The following LRP2 variants were observed in gnomAD, a reference collection of about 807,000 sequenced individuals.
LRP2 encodes the protein low-density lipoprotein receptor-related protein 2.
LRP2 carries 172 observed loss-of-function variants against 531.0 expected under a neutral mutation model. The observed-to-expected ratio is 0.32, with a 90% CI of 0.29 to 0.37. LRP2 has a LOEUF of 0.37. LRP2 is among the 10% of genes least tolerant of loss of function. The pLI is 1.00. For synonymous variants in LRP2, 1,992 were observed against 2,027.6 expected (o/e 0.98, Z 0.47); for missense variants, 5,167 against 5,868.3 (o/e 0.88, Z 3.90).
At position 169,277,604 on chromosome 2, in the gene LRP2, G is replaced by T; in HGVS notation, c.1772+141C>A. ...ATAGAGCAGGTCACTTCATGCAAAT[G>T]TCAGTACAAAGGTCATTAAAGCTAT... is the stretch of plus-strand genomic sequence containing the variant. On this transcript the variant is annotated intron_variant, in intron 13 of 78. Coordinates refer to ENST00000649046, the MANE Select transcript of LRP2 (RefSeq NM_004525.3). 3 of 768,748 alleles carry T rather than the reference G, an allele frequency of 3.9e-6. No individual in the cohort carries two copies. In the East Asian group the frequency reaches 8.0e-5, roughly 21 times the overall value. The allele number at this position is 768,748 out of a possible 1,614,324, so 47.6% of individuals were successfully genotyped here. A position where few individuals can be genotyped will look rare whatever the true frequency, so the allele number is the denominator to read the frequency against.
At position 169,181,502 on chromosome 2, in the gene LRP2, A is replaced by G. The variant is rs2105294470; in HGVS notation, c.10115T>C (p.Ile3372Thr). The change falls in exon 52 of 79, where the codon ATT becomes ACT. Residue 3372 changes from isoleucine (I) to threonine (T), a missense_variant. Transcript: ENST00000649046. The stretch of plus-strand genomic sequence containing the variant: ...GTAGAGTAGATCATTGGTGTAATCA[A>G]TGGTGATGCCATTAGGCCACTCTAA... ...TKLEWPNGIT[I>T]DYTNDLLYWA... The G allele has an allele frequency of 6.2e-7, 1 of 1,614,178 alleles. No homozygotes were observed. The highest frequency in any genetic ancestry group is 8.5e-7 in the Non-Finnish European group (1 of 1,180,012).
At chr2:169,216,062 T>TA (rs1688776429) in intron 35 of LRP2, among the ~76,000 whole-genome samples, 191 bp downstream of exon 35, 1 of 151,932 alleles carries the variant, frequency 6.6e-6, no homozygotes. Context: ...GCACATACTA[T>TA]AAAGAACTGG....
At position 169,164,983 on chromosome 2, in the gene LRP2, A is replaced by G. The variant is rs574646608; in HGVS notation, c.11758+949T>C. On this transcript the variant is annotated intron_variant, in intron 62 of 78. Coordinates refer to ENST00000649046, the MANE Select transcript of LRP2 (RefSeq NM_004525.3). ...TTTCATGCTTTTGCGCTATGCCTCAAATAAACATATTAATGCTATAATGTA... is the reference window on the plus strand; with the variant it reads ...TTTCATGCTTTTGCGCTATGCCTCAGATAAACATATTAATGCTATAATGTA... Among the ~76,000 whole-genome samples, 4 of 152,360 alleles carry G rather than the reference A, an allele frequency of 2.6e-5. No homozygotes were observed. In the South Asian group the frequency reaches 8.3e-4, roughly 32 times the overall value.
chr2:169,198,725 G>A, intron 45 of LRP2, 61 bp downstream of exon 45: 1 of 1,592,606 alleles, frequency 6.3e-7, no homozygotes, highest in Admixed American at 1.7e-5. Context: ...TCATATCTTT[G>A]TATTAGCTCA....
chr2:169,159,454 C>G (rs969988528), intron 63 of LRP2, among the ~76,000 whole-genome samples: 1 of 152,046 alleles, frequency 6.6e-6, no homozygotes, highest in Non-Finnish European at 1.5e-5. Flanking sequence ...GAATGCTGCC[C>G]TTGGAGTGCA....
chr2:169,324,549 C>A (rs901398604), intron 1 of LRP2, among the ~76,000 whole-genome samples: 1 of 150,354 alleles, frequency 6.7e-6, no homozygotes, highest in African/African-American at 2.5e-5. Flanking sequence ...AAAATTTAAG[C>A]GTTTTGAAAT....
chr2:169,213,742 T>C lies in LRP2; in HGVS notation c.5955A>G (p.Arg1985=), dbSNP rs1340983241. The change falls in exon 36 of 79, where the codon AGA becomes AGG. Residue 1985 remains arginine (R), a synonymous_variant. Coordinates refer to ENST00000649046, the MANE Select transcript of LRP2 (RefSeq NM_004525.3). The part of the protein sequence containing the change: ...YTDEQYEVIE[R]VDKATGANKI... ...TGTTGGCCCCAGTGGCCTTATCAACTCTTTCAATGACCTCATACTGTTCAT... is the reference window on the plus strand; with the variant it reads ...TGTTGGCCCCAGTGGCCTTATCAACCCTTTCAATGACCTCATACTGTTCAT... 11 of 1,613,740 alleles carry C rather than the reference T, an allele frequency of 6.8e-6. No individual in the cohort carries two copies. Among genetic ancestry groups the C allele is most frequent in the Admixed American group, 1.7e-5 (1 of 59,972 alleles).
intron 46 of LRP2, 118 bp from the exon 47 acceptor site, chr2:169,194,010 A>G: frequency 1.8e-6 from 2 of 1,084,598 alleles, no homozygotes; most frequent in Non-Finnish European, 2.8e-6. Context: ...TTATTTAATT[A>G]TATACATCTA....
chr2:169,324,635 A>T (rs1004096447), intron 1 of LRP2, among the ~76,000 whole-genome samples: 3 of 141,354 alleles, frequency 2.1e-5, no homozygotes, highest in African/African-American at 8.5e-5. Flanking sequence ...TAGGGGAAAA[A>T]AAAAAAAAAA....
At position 169,160,685 on chromosome 2, in the gene LRP2, A is replaced by AAAAAAAAAAAACAAAAAAAAAAAC. The variant is rs970862922; in HGVS notation, c.11887+1786_11887+1787insGTTTTTTTTTTTGTTTTTTTTTTT. Among the ~76,000 whole-genome samples the AAAAAAAAAAAACAAAAAAAAAAAC allele has an allele frequency of 1.0e-3, 94 of 94,266 alleles. 1 individual carries two copies. Among genetic ancestry groups the AAAAAAAAAAAACAAAAAAAAAAAC allele is most frequent in the African/African-American group, 4.0e-3 (89 of 22,002 alleles). The allele number at this position is 94,266 out of a possible 152,430, so 61.8% of individuals were successfully genotyped here. A position where few individuals can be genotyped will look rare whatever the true frequency, so the allele number is the denominator to read the frequency against. ...TTGTTTGTGCTACTTATTTCCTTAA[A>AAAAAAAAAAAACAAAAAAAAAAAC]AAAAAAAAAACCTGCTACTAATTAA... On this transcript the variant is annotated intron_variant, in intron 63 of 78. Coordinates refer to ENST00000649046, the MANE Select transcript of LRP2 (RefSeq NM_004525.3).
chr2:169,202,064 T>C (rs912611241), intron 43 of LRP2, among the ~76,000 whole-genome samples, 194 bp from the exon 44 acceptor site: 1 of 152,240 alleles, frequency 6.6e-6, no homozygotes, highest in African/African-American at 2.4e-5. Context: ...GTATACATTT[T>C]TAAAATTGTT....
At chr2:169,338,830 G>A (rs1685490517) in intron 1 of LRP2, among the ~76,000 whole-genome samples, 1 of 152,148 alleles carries the variant, frequency 6.6e-6, no homozygotes, top group South Asian at 2.1e-4. Flanking sequence ...ACTGTCCAGG[G>A]TGAAGTCCTT....
chr2:169,200,225 T>C (rs1162837805), intron 44 of LRP2, among the ~76,000 whole-genome samples: 1 of 152,186 alleles, frequency 6.6e-6, no homozygotes, highest in Non-Finnish European at 1.5e-5. Context: ...CACTCCAGCC[T>C]GGGCGATAGA....
chr2:169,311,950 C>G (rs182269111), intron 3 of LRP2, among the ~76,000 whole-genome samples: 1 of 152,060 alleles, frequency 6.6e-6, no homozygotes, highest in African/African-American at 2.4e-5. Context: ...TTTACCATTA[C>G]GTAATGGCCT....
chr2:169,156,125 G>C, intron 65 of LRP2, 149 bp downstream of exon 65: 1 of 944,136 alleles, frequency 1.1e-6, no homozygotes, highest in Non-Finnish European at 1.6e-6. Flanking sequence ...AGCGACTAAA[G>C]AGGTGTTGGA....
rs866579096 is a variant in LRP2, at chr2:169,138,567, C to T, written c.13518+10G>A. 12 of 1,613,370 alleles carry T rather than the reference C, an allele frequency of 7.4e-6. No individual in the cohort carries two copies. The Middle Eastern group carries it at 1.5e-3, about 199-fold the overall frequency. ...CAACCTTCAAATAATCATTTTGAAA[C>T]CATACTCACCATTGCCATTGACCTG... is the stretch of plus-strand genomic sequence containing the variant. On this transcript the variant is annotated intron_variant, in intron 75 of 78. Coordinates refer to ENST00000649046, the MANE Select transcript of LRP2 (RefSeq NM_004525.3).
chr2:169,192,199 C>G (rs1687853935), intron 47 of LRP2, among the ~76,000 whole-genome samples, 166 bp from the exon 48 acceptor site: 1 of 152,164 alleles, frequency 6.6e-6, no homozygotes. Flanking sequence ...AAAAATACCT[C>G]CAAAGATTCC....
At chr2:169,138,215 T>C (rs976200918) in intron 75 of LRP2, among the ~76,000 whole-genome samples, 2 of 152,146 alleles carry the variant, frequency 1.3e-5, no homozygotes, top group African/African-American at 2.4e-5. Context: ...AGGAAAAATA[T>C]AGTTCCCTAC....
chr2:169,141,806 T>C lies in LRP2; in HGVS notation c.13108+868A>G, dbSNP rs1194109103. On this transcript the variant is annotated intron_variant, in intron 71 of 78. Transcript: ENST00000649046. ...GAAATATTGGATTCCTACCAATATT[T>C]CCCCAGTAGCGTTGGGATGAGTGCA... is the stretch of plus-strand genomic sequence containing the variant. 3.3e-5 allele frequency among the ~76,000 whole-genome samples: 5 copies of C among 152,276 alleles called. No individual in the cohort carries two copies. In the East Asian group the frequency reaches 9.6e-4, roughly 29 times the overall value.
Sources: gnomAD v4.1 joint callset for allele counts (sites outside exome capture counted in the v4.1 genomes callset) on GRCh38, gnomAD v4.1.1 for gene constraint, MANE v1.5 for transcripts, NCBI Gene and HGNC (gene_info 2026-07-23, HGNC 2026-07-21) for gene names.